PATJ: variants seen among roughly 807,000 people sequenced by gnomAD.
The protein encoded by PATJ is PATJ crumbs cell polarity complex component.
In PATJ, 190 loss-of-function variants were observed where a neutral mutation model predicts 224.9. The ratio of observed to expected loss-of-function variants is 0.84; its 90% CI spans 0.75 to 0.95. PATJ has a LOEUF of 0.95. PATJ is among the 40% of genes least tolerant of loss of function. The probability of loss-of-function intolerance (pLI) is 0.00; values close to 1 mark genes in which losing one functional copy is unlikely to be tolerated. For synonymous variants in PATJ, 769 were observed against 820.3 expected, an observed-to-expected ratio of 0.94 and a Z score of 1.07; for missense variants, 2,121 against 2,270.3, an observed-to-expected ratio of 0.93 and a Z score of 1.34.
chr1:61,769,273 C>A lies in PATJ; in HGVS notation c.385-10C>A. 6.3e-7 allele frequency: 1 copy of A among 1,591,126 alleles called. No individual in the cohort carries two copies. ...ACCATTGACTTTTTTTTTTAACGCT[C>A]CTTCATTAGGGCCGGCAAATTGAAT... On this transcript the variant is annotated splice_polypyrimidine_tract_variant and intron_variant, in intron 4 of 43. Coordinates refer to ENST00000642238, the MANE Select transcript of PATJ (RefSeq NM_001350145.3).
chr1:62,057,390 A>G (rs564498629), intron 31 of PATJ, among the ~76,000 whole-genome samples: 2 of 152,206 alleles, frequency 1.3e-5, no homozygotes, highest in South Asian at 4.1e-4. Flanking sequence ...AGCAGCAGCC[A>G]GGCCATGTTA....
chr1:61,775,919 C>T (rs187234496), intron 7 of PATJ, among the ~76,000 whole-genome samples: 79 of 152,154 alleles, frequency 5.2e-4, no homozygotes, highest in Non-Finnish European at 1.0e-3. Flanking sequence ...TCTGAAGCCA[C>T]GTAATAATAA....
intron 43 of PATJ, among the ~76,000 whole-genome samples, chr1:62,154,658 A>AAT (rs1553284368): frequency 1.3e-5 from 2 of 151,434 alleles, no homozygotes; most frequent in Non-Finnish European, 2.9e-5. Context: ...TCAAAAAAAA[A>AAT]AAAAAGAAAA....
intron 29 of PATJ, among the ~76,000 whole-genome samples, chr1:62,031,570 A>T (rs1649300649): frequency 2.0e-5 from 3 of 152,216 alleles, no homozygotes; most frequent in Admixed American, 6.5e-5. Context: ...TTTAAAAAGT[A>T]ATAGCCCAAA....
chr1:62,082,831 G>A (rs903893225), intron 32 of PATJ, among the ~76,000 whole-genome samples: 5 of 151,900 alleles, frequency 3.3e-5, no homozygotes, highest in Admixed American at 6.6e-5. Flanking sequence ...TTCTTGATCC[G>A]CGAGCTATAG....
At chr1:62,121,342 T>TAAAAAA (rs5774582) in intron 38 of PATJ, 47 bp downstream of exon 38, 17 of 846,052 alleles carry the variant, frequency 2.0e-5, no homozygotes, top group African/African-American at 1.2e-4. Context: ...TTACCCAAAT[T>TAAAAAA]AAAAAAAAAA....
At chr1:62,147,170 G>T (rs1025008537) in intron 41 of PATJ, among the ~76,000 whole-genome samples, 4 of 152,104 alleles carry the variant, frequency 2.6e-5, no homozygotes, top group Non-Finnish European at 4.4e-5. Flanking sequence ...GAGATGGATG[G>T]GATGGGATAT....
Position 62,079,446 on chromosome 1 carries a change from G to T in PATJ, c.4126-4G>T, listed in dbSNP as rs1217492110. 7 of 1,573,584 alleles carry T rather than the reference G, an allele frequency of 4.4e-6. No homozygotes were observed. The highest frequency in any genetic ancestry group is 6.1e-6 in the Non-Finnish European group (7 of 1,145,358). On this transcript the variant is annotated splice_polypyrimidine_tract_variant and splice_region_variant and intron_variant, in intron 31 of 43. Coordinates refer to ENST00000642238, the MANE Select transcript of PATJ (RefSeq NM_001350145.3). ...TATTCATCTAATTTTCCTTTCTTTT[G>T]TAGGCTGTCAGCCAGATGAAACAGC...
intron 1 of PATJ, among the ~76,000 whole-genome samples, chr1:61,745,717 C>A (rs926197363): frequency 2.6e-5 from 4 of 151,550 alleles, no homozygotes; most frequent in Non-Finnish European, 5.9e-5. Flanking sequence ...GCTTCTCTTG[C>A]CTCAGCTTCC....
At chr1:61,911,308 G>C (rs1672603342) in intron 25 of PATJ, among the ~76,000 whole-genome samples, 1 of 152,124 alleles carries the variant, frequency 6.6e-6, no homozygotes, top group Non-Finnish European at 1.5e-5. Context: ...CCGCCACCCG[G>C]ATTCAAGTAA....
intron 21 of PATJ, among the ~76,000 whole-genome samples, chr1:61,883,610 T>C (rs1220273538): frequency 6.6e-6 from 1 of 151,666 alleles, no homozygotes; most frequent in Non-Finnish European, 1.5e-5. Context: ...ATTATTGTAT[T>C]TTTGCATGCA....
intron 29 of PATJ, among the ~76,000 whole-genome samples, chr1:62,036,844 C>A (rs1306121292): frequency 2.4e-5 from 2 of 84,004 alleles, no homozygotes; most frequent in Non-Finnish European, 4.6e-5. Context: ...TGCACTCCAG[C>A]CTTGGTGACA....
At chr1:61,817,032 G>A (rs914855490) in intron 14 of PATJ, among the ~76,000 whole-genome samples, 1 of 152,168 alleles carries the variant, frequency 6.6e-6, no homozygotes, top group Admixed American at 6.5e-5. Flanking sequence ...TGTTCTAGAA[G>A]GATATTACTT....
At chr1:62,079,643 G>A (rs1658930297) in intron 32 of PATJ, 76 bp downstream of exon 32, 2 of 918,378 alleles carry the variant, frequency 2.2e-6, no homozygotes, top group Admixed American at 4.1e-5. Context: ...CCTAAAACGA[G>A]AACTGGACCA....
At chr1:62,052,830 G>A (rs903550753) in intron 31 of PATJ, among the ~76,000 whole-genome samples, 3 of 152,064 alleles carry the variant, frequency 2.0e-5, no homozygotes, top group South Asian at 4.1e-4. Flanking sequence ...TGCACTACAG[G>A]GAAATGAGGA....
At chr1:62,020,793 G>A (rs956892221) in intron 29 of PATJ, among the ~76,000 whole-genome samples, 3 of 152,040 alleles carry the variant, frequency 2.0e-5, no homozygotes, top group Non-Finnish European at 2.9e-5. Context: ...CAAAATACCC[G>A]AGTGTCTTAT....
At chr1:61,941,187 T>C (rs932082842) in intron 27 of PATJ, among the ~76,000 whole-genome samples, 1 of 152,220 alleles carries the variant, frequency 6.6e-6, no homozygotes, top group Admixed American at 6.5e-5. Flanking sequence ...ATGGTTCAGA[T>C]GGAATCTAAA....
intron 27 of PATJ, among the ~76,000 whole-genome samples, chr1:61,942,840 T>C (rs758153559): frequency 3.9e-5 from 6 of 152,178 alleles, no homozygotes; most frequent in African/African-American, 1.2e-4. Context: ...TGAGCCACCA[T>C]GCCCAGCCAG....
chr1:62,006,183 C>T (rs1015194353), intron 28 of PATJ, among the ~76,000 whole-genome samples: 1 of 152,228 alleles, frequency 6.6e-6, no homozygotes, highest in Admixed American at 6.5e-5. Flanking sequence ...GGCGCAATCT[C>T]GGCTCTCTGC....
Sources: allele counts gnomAD v4.1 joint callset (sites outside exome capture counted in the v4.1 genomes callset), GRCh38; gene constraint gnomAD v4.1.1; transcripts MANE v1.5; gene names NCBI Gene and HGNC (gene_info 2026-07-23, HGNC 2026-07-21).